Variants in SUN1 observed in about 807,000 individuals in gnomAD.
SUN1 encodes the protein Sad1 and UNC84 domain containing 1.
A neutral mutation model predicts 103.2 loss-of-function variants in SUN1; 61 were observed. The observed-to-expected ratio is 0.59, with a 90% CI of 0.48 to 0.73. SUN1 has a LOEUF of 0.73. Among genes scored for constraint, SUN1 ranks in the 30% least tolerant of loss-of-function variants. The probability of loss-of-function intolerance (pLI) is 0.00; values close to 1 mark genes in which losing one functional copy is unlikely to be tolerated. For synonymous variants in SUN1, 490 were observed against 425.7 expected, an observed-to-expected ratio of 1.15 and a Z score of -1.86; for missense variants, 1,052 against 1,034.6, an observed-to-expected ratio of 1.02 and a Z score of -0.23.
At chr7:847,167 C>T (rs1478128344) in intron 5 of SUN1, among the ~76,000 whole-genome samples, 2 of 152,192 alleles carry the variant, frequency 1.3e-5, no homozygotes, top group Non-Finnish European at 2.9e-5. Context: ...GAAGTGGCCA[C>T]GGCTCGGGTA....
intron 1 of SUN1, among the ~76,000 whole-genome samples, chr7:825,065 T>C (rs1372627767): frequency 6.6e-6 from 1 of 151,748 alleles, no homozygotes; most frequent in Non-Finnish European, 1.5e-5. Flanking sequence ...TACGATAATT[T>C]TTTTTTTTTT....
exon 1 of SUN1, chr7:816,631 C>A: frequency 2.7e-6 from 1 of 365,742 alleles, no homozygotes; most frequent in Non-Finnish European, 5.4e-6. Context: ...TCTTCTCGGG[C>A]CTGGGCGGCG....
At chr7:842,873 TCTG>T in intron 3 of SUN1, 2 of 472,930 alleles carry the variant, frequency 4.2e-6, no homozygotes, top group Non-Finnish European at 7.8e-6. Flanking sequence ...CAGAGAGGCA[TCTG>T]CTGCTGCTGA....
At chr7:823,160 A>G (rs1355627044) in intron 1 of SUN1, among the ~76,000 whole-genome samples, 2 of 152,246 alleles carry the variant, frequency 1.3e-5, no homozygotes, top group Non-Finnish European at 2.9e-5. Context: ...AGTCACGTGC[A>G]GCGTTCACTT....
chr7:863,680 T>G (rs1484351312), intron 15 of SUN1, among the ~76,000 whole-genome samples: 1 of 152,150 alleles, frequency 6.6e-6, no homozygotes, highest in African/African-American at 2.4e-5. Flanking sequence ...TTCACTGTAA[T>G]TGGTAATTAT....
rs1798870747 is a variant in SUN1, at chr7:832,497, C to T, written c.-28C>T. 1.2e-6 allele frequency: 2 copies of T among 1,607,460 alleles called. No individual in the cohort carries two copies. Among genetic ancestry groups the T allele is most frequent in the Non-Finnish European group, 1.7e-6 (2 of 1,176,474 alleles). On this transcript the variant is annotated 5_prime_UTR_variant, in exon 1 of 19. Transcript: ENST00000401592. ...AAACACTCTGCATTTCTTTCCCGCC[C>T]TCTGCAGTATGGTTTGAAGTGGTGA...
At chr7:865,233 A>G (rs1562804465) in intron 15 of SUN1, among the ~76,000 whole-genome samples, 1 of 151,628 alleles carries the variant, frequency 6.6e-6, no homozygotes, top group Non-Finnish European at 1.5e-5. Context: ...TCAGCCTCCC[A>G]AGTAGCTGGG....
At chr7:865,740 C>T (rs1259296013) in intron 15 of SUN1, among the ~76,000 whole-genome samples, 5 of 152,194 alleles carry the variant, frequency 3.3e-5, no homozygotes, top group Admixed American at 1.3e-4. Context: ...CACATCCTCG[C>T]CAGCATTTGT....
chr7:824,123 A>T (rs538253387), intron 1 of SUN1, among the ~76,000 whole-genome samples: 1 of 152,246 alleles, frequency 6.6e-6, no homozygotes, highest in African/African-American at 2.4e-5. Flanking sequence ...GGACGGGAGT[A>T]TCCCTGCCAT....
At chr7:835,144 G>A (rs1801769990) in intron 1 of SUN1, among the ~76,000 whole-genome samples, 1 of 152,228 alleles carries the variant, frequency 6.6e-6, no homozygotes. Context: ...AGAGAATAGT[G>A]ACAAGCCCAT....
At chr7:853,823 A>G (rs911255474) in intron 10 of SUN1, among the ~76,000 whole-genome samples, 3 of 152,218 alleles carry the variant, frequency 2.0e-5, no homozygotes, top group Admixed American at 1.3e-4. Context: ...TGTGGGTTCC[A>G]TAGCGCACAT....
chr7:817,106 G>A (rs1270669496), intron 1 of SUN1, among the ~76,000 whole-genome samples: 1 of 152,070 alleles, frequency 6.6e-6, no homozygotes, highest in Non-Finnish European at 1.5e-5. Context: ...GTAGCGGCGG[G>A]GCCGTGGGTG....
chr7:826,494 C>T (rs1014831305), intron 1 of SUN1, among the ~76,000 whole-genome samples: 21 of 152,278 alleles, frequency 1.4e-4, no homozygotes, highest in African/African-American at 4.6e-4. Context: ...CTGCCGAGGC[C>T]GGGGGCTGCA....
chr7:845,064 A>C (rs867499829), intron 5 of SUN1, among the ~76,000 whole-genome samples: 1 of 152,208 alleles, frequency 6.6e-6, no homozygotes, highest in Non-Finnish European at 1.5e-5. Context: ...CATACACTCT[A>C]CTATGGCAGA....
chr7:854,084 C>G (rs762391764), intron 10 of SUN1, among the ~76,000 whole-genome samples: 45 of 152,256 alleles, frequency 3.0e-4, no homozygotes, highest in Non-Finnish European at 6.2e-4. Context: ...CCAGGAACCT[C>G]TGCTTCAGAG....
At chr7:822,221 A>C (rs1786829559) in intron 1 of SUN1, among the ~76,000 whole-genome samples, 1 of 152,254 alleles carries the variant, frequency 6.6e-6, no homozygotes, top group African/African-American at 2.4e-5. Flanking sequence ...TACTTTATTA[A>C]GCATCTCTTG....
intron 2 of SUN1, 49 bp from the exon 3 acceptor site, chr7:841,897 G>A (rs748728198): frequency 1.3e-6 from 2 of 1,581,484 alleles, no homozygotes; most frequent in South Asian, 2.3e-5. Context: ...TAATCATTTT[G>A]TATTTGCTAG....
rs1450963300 is a variant in SUN1, at chr7:853,547, G to A, written c.1192G>A (p.Asp398Asn). The change falls in exon 10 of 19, where the codon GAC becomes AAC. Residue 398 changes from aspartate to asparagine, a missense_variant. Physicochemically the swap from Asp to Asn is conservative, Grantham distance 23 (BLOSUM62 1). This residue lies in a region of SUN1 where 846 missense variants were observed against 774.5 expected (regional missense o/e 1.09). Coordinates refer to ENST00000401592, the MANE Select transcript of SUN1 (RefSeq NM_001130965.3). ...TLLQKLQARV[D>N]QMEGGAAGPS... ...GCTACAGAAGCTGCAGGCTCGGGTG[G>A]ACCAGATGGAAGGCGGCGCTGCCGG... 6.2e-7 allele frequency: 1 copy of A among 1,612,948 alleles called. No individual in the cohort carries two copies. The highest frequency in any genetic ancestry group is 8.5e-7 in the Non-Finnish European group (1 of 1,180,032).
chr7:849,508 C>T (rs762247762), intron 5 of SUN1: 6 of 1,361,560 alleles, frequency 4.4e-6, no homozygotes, highest in East Asian at 4.5e-5. Context: ...GCCTCTTTTG[C>T]GTGTGTTGCA....
Sources: gnomAD v4.1 joint callset for allele counts (sites outside exome capture counted in the v4.1 genomes callset) on GRCh38, gnomAD v4.1.1 for gene constraint, gnomAD v4.1.1 regional missense constraint, MANE v1.5 for transcripts, NCBI Gene and HGNC (gene_info 2026-07-23, HGNC 2026-07-21) for gene names.